Variants in OXR1 observed in about 807,000 individuals in gnomAD.
OXR1 encodes oxidation resistance protein 1.
In OXR1, 41 loss-of-function variants were observed where a neutral mutation model predicts 104.6. The ratio of observed to expected loss-of-function variants is 0.39; its 90% confidence interval spans 0.31 to 0.51. The LOEUF is 0.51. Among genes scored for constraint, OXR1 ranks in the 20% least tolerant of loss-of-function variants. The probability of loss-of-function intolerance (pLI) is 0.77; values close to 1 mark genes in which losing one functional copy is unlikely to be tolerated. For synonymous variants in OXR1, 348 were observed against 348.4 expected, an observed-to-expected ratio of 1.00 and a Z score of 0.01; for missense variants, 955 against 1,031.9, an observed-to-expected ratio of 0.93 and a Z score of 1.02.
intron 15 of OXR1, among the ~76,000 whole-genome samples, chr8:106,744,846 A>C (rs1244624059): frequency 1.3e-5 from 2 of 152,354 alleles, no homozygotes; most frequent in Non-Finnish European, 1.5e-5. Context: ...TGAAGAAAAT[A>C]GGAACGATTT....
At chr8:106,638,453 G>A (rs2130927462) in intron 3 of OXR1, among the ~76,000 whole-genome samples, 1 of 152,250 alleles carries the variant, frequency 6.6e-6, no homozygotes, top group South Asian at 2.1e-4. Flanking sequence ...TAGAGTACTT[G>A]TTAAAACACA....
At chr8:106,392,394 G>A (rs751744584) in intron 2 of OXR1, among the ~76,000 whole-genome samples, 3 of 152,172 alleles carry the variant, frequency 2.0e-5, no homozygotes, top group African/African-American at 4.8e-5. Context: ...AAGATGTCAA[G>A]TAGGCAGTTG....
chr8:106,566,065 C>G (rs1327120248), intron 3 of OXR1, among the ~76,000 whole-genome samples: 1 of 152,116 alleles, frequency 6.6e-6, no homozygotes, highest in Non-Finnish European at 1.5e-5. Context: ...TAGGCATGGG[C>G]AAAGACTTCA....
At chr8:106,596,790 C>G (rs1018025184) in intron 3 of OXR1, among the ~76,000 whole-genome samples, 4 of 151,894 alleles carry the variant, frequency 2.6e-5, no homozygotes, top group Admixed American at 2.0e-4. Context: ...TGCGGTGGCT[C>G]ACGCCTGTAA....
intron 3 of OXR1, among the ~76,000 whole-genome samples, chr8:106,597,915 C>G (rs1819652949): frequency 6.6e-6 from 1 of 152,184 alleles, no homozygotes; most frequent in African/African-American, 2.4e-5. Context: ...TAAGCTCTCC[C>G]TTTCTTGCCT....
intron 3 of OXR1, among the ~76,000 whole-genome samples, chr8:106,613,644 C>T (rs1820975280): frequency 6.6e-6 from 1 of 152,192 alleles, no homozygotes; most frequent in African/African-American, 2.4e-5. Context: ...GGTGATCTGC[C>T]CACCTTGGCC....
At chr8:106,741,955 G>C (rs1225312084) in intron 14 of OXR1, among the ~76,000 whole-genome samples, 1 of 152,026 alleles carries the variant, frequency 6.6e-6, no homozygotes, top group East Asian at 1.9e-4. Flanking sequence ...CACTTTTTAA[G>C]ATTGTCTGCT....
chr8:106,413,625 C>A (rs1818550614), intron 2 of OXR1, among the ~76,000 whole-genome samples: 1 of 151,870 alleles, frequency 6.6e-6, no homozygotes, highest in Admixed American at 6.6e-5. Context: ...TAATTGTACG[C>A]TTTCTAGTCT....
intron 11 of OXR1, among the ~76,000 whole-genome samples, chr8:106,725,222 G>A (rs1355070149): frequency 6.6e-6 from 1 of 152,062 alleles, no homozygotes; most frequent in East Asian, 1.9e-4. Context: ...TGTGCCCTGT[G>A]TGAGTGCATG....
chr8:106,448,855 C>G (rs1391705774), intron 2 of OXR1, among the ~76,000 whole-genome samples: 1 of 152,038 alleles, frequency 6.6e-6, no homozygotes, highest in Non-Finnish European at 1.5e-5. Flanking sequence ...TTTTCTTTTT[C>G]GTTATTTCTG....
At chr8:106,647,327 G>A (rs1018763887) in intron 3 of OXR1, among the ~76,000 whole-genome samples, 38 of 152,120 alleles carry the variant, frequency 2.5e-4, no homozygotes, top group African/African-American at 7.5e-4. Flanking sequence ...TTGAAAGGCC[G>A]TATTAAATCT....
At chr8:106,546,038 A>G (rs1815333182) in intron 3 of OXR1, among the ~76,000 whole-genome samples, 1 of 151,986 alleles carries the variant, frequency 6.6e-6, no homozygotes, top group Admixed American at 6.6e-5. Flanking sequence ...TTGGTTAATC[A>G]TTTGGAATAA....
intron 2 of OXR1, among the ~76,000 whole-genome samples, chr8:106,504,829 AT>A (rs983997469): frequency 1.3e-5 from 2 of 152,204 alleles, no homozygotes; most frequent in East Asian, 3.9e-4. Flanking sequence ...ATGGATACAT[AT>A]TTTTTCTATT....
At chr8:106,452,638 G>A (rs1028692019) in intron 2 of OXR1, among the ~76,000 whole-genome samples, 1 of 152,052 alleles carries the variant, frequency 6.6e-6, no homozygotes, top group Non-Finnish European at 1.5e-5. Flanking sequence ...GTTTAACTTG[G>A]TCACCAATTT....
At position 106,697,892 on chromosome 8, in the gene OXR1, C is replaced by G. The variant is rs1008917344; in HGVS notation, c.676-5014C>G. On this transcript the variant is annotated intron_variant, in intron 7 of 16. Transcript: ENST00000517566. ...CGTCCAGGCTGGGACCGGCCCACATCCTTTCGGCACTGGGTGGTGATCCAC... is the reference window on the plus strand; with the variant it reads ...CGTCCAGGCTGGGACCGGCCCACATGCTTTCGGCACTGGGTGGTGATCCAC... 16 of 1,612,284 alleles carry G rather than the reference C, an allele frequency of 9.9e-6. No homozygotes were observed. The African/African-American group carries it at 2.0e-4, about 20-fold the overall frequency.
At chr8:106,447,839 G>C (rs1820077819) in intron 2 of OXR1, 3 of 1,377,496 alleles carry the variant, frequency 2.2e-6, no homozygotes, top group Non-Finnish European at 2.9e-6. Flanking sequence ...TGTGGGATTT[G>C]GGTCTCTTTT....
chr8:106,741,131 A>G (rs909393787), intron 14 of OXR1, among the ~76,000 whole-genome samples: 2 of 152,168 alleles, frequency 1.3e-5, no homozygotes, highest in African/African-American at 2.4e-5. Flanking sequence ...TGAGTCAACT[A>G]TGACATAAGC....
chr8:106,629,108 TGA>T (rs1822443646), intron 3 of OXR1, among the ~76,000 whole-genome samples: 1 of 152,016 alleles, frequency 6.6e-6, no homozygotes. Flanking sequence ...CCTCCAAACT[TGA>T]GAGATTGTCT....
At chr8:106,386,072 GGCA>G (rs148685430) in intron 2 of OXR1, among the ~76,000 whole-genome samples, 3 of 151,874 alleles carry the variant, frequency 2.0e-5, no homozygotes, top group African/African-American at 4.9e-5. Context: ...TTGAGCAGTG[GGCA>G]GCAGCAGCAG....
Sources: allele counts gnomAD v4.1 joint callset (sites outside exome capture counted in the v4.1 genomes callset), GRCh38; gene constraint gnomAD v4.1.1; transcripts MANE v1.5; gene names NCBI Gene and HGNC (gene_info 2026-07-23, HGNC 2026-07-21).